PIK3C2G: variants seen among roughly 807,000 people sequenced by gnomAD.
The protein encoded by PIK3C2G is phosphatidylinositol-4-phosphate 3-kinase catalytic subunit type 2 gamma, also known as phosphatidylinositol 3-kinase C2 domain-containing subunit gamma.
A neutral mutation model predicts 181.1 loss-of-function variants in PIK3C2G; 168 were observed. The ratio of observed to expected loss-of-function variants is 0.93; its 90% CI spans 0.82 to 1.05. The LOEUF is 1.05. Among genes scored for constraint, PIK3C2G ranks in the 50% least tolerant of loss-of-function variants. PIK3C2G has a pLI of 0.00. For missense variants in PIK3C2G, 1,869 were observed against 1,732.8 expected, an observed-to-expected ratio of 1.08 and a Z score of -1.40; for synonymous variants, 573 against 592.2, an observed-to-expected ratio of 0.97 and a Z score of 0.47.
intron 29 of PIK3C2G, among the ~76,000 whole-genome samples, chr12:18,580,852 TGA>T (rs888168073): frequency 6.6e-6 from 1 of 152,230 alleles, no homozygotes; most frequent in African/African-American, 2.4e-5. Context: ...TCATCGTGTT[TGA>T]GAGAGACAGA....
intron 11 of PIK3C2G, among the ~76,000 whole-genome samples, chr12:18,356,016 G>A (rs531600634): frequency 2.6e-5 from 4 of 152,236 alleles, no homozygotes; most frequent in East Asian, 3.9e-4. Context: ...GTGGCCTTCC[G>A]GCAATACTGA....
the PIK3C2G span, among the ~76,000 whole-genome samples, chr12:18,710,267 T>G: frequency 6.6e-6 from 1 of 151,012 alleles, no homozygotes; most frequent in Non-Finnish European, 1.5e-5. Flanking sequence ...CACTATTTTT[T>G]TTAATTCATT....
At chr12:18,425,285 T>C (rs926514115) in intron 18 of PIK3C2G, 2 of 152,896 alleles carry the variant, frequency 1.3e-5, no homozygotes, top group Non-Finnish European at 2.9e-5. Flanking sequence ...GTGTTCTGTA[T>C]GACATTACAT....
chr12:18,574,008 C>T (rs934365245), intron 29 of PIK3C2G, among the ~76,000 whole-genome samples: 7 of 152,148 alleles, frequency 4.6e-5, no homozygotes, highest in Non-Finnish European at 8.8e-5. Context: ...AATACACACA[C>T]GTACTCTATA....
chr12:18,382,373 T>A (rs537214706), intron 14 of PIK3C2G, among the ~76,000 whole-genome samples: 1 of 152,322 alleles, frequency 6.6e-6, no homozygotes, highest in East Asian at 1.9e-4. Context: ...CTCTGTGTGA[T>A]TAGTGATCAT....
chr12:18,607,572 T>C (rs1427303608), intron 30 of PIK3C2G, among the ~76,000 whole-genome samples: 2 of 152,092 alleles, frequency 1.3e-5, no homozygotes, highest in Non-Finnish European at 2.9e-5. Flanking sequence ...AAGACTTAAA[T>C]GTTAGACCTA....
chr12:18,435,921 CT>C (rs1426943906), intron 18 of PIK3C2G, among the ~76,000 whole-genome samples: 3 of 150,866 alleles, frequency 2.0e-5, no homozygotes, highest in Non-Finnish European at 2.9e-5. Context: ...CCTTCCTTCA[CT>C]TGAAGATACT....
intron 18 of PIK3C2G, among the ~76,000 whole-genome samples, chr12:18,458,494 G>C (rs1434618179): frequency 6.6e-6 from 1 of 152,096 alleles, no homozygotes; most frequent in African/African-American, 2.4e-5. Context: ...TAAATGCTAA[G>C]TAGAGGTAGT....
intron 17 of PIK3C2G, among the ~76,000 whole-genome samples, chr12:18,421,704 C>G (rs1945499232): frequency 6.6e-6 from 1 of 151,450 alleles, no homozygotes; most frequent in Non-Finnish European, 1.5e-5. Flanking sequence ...TGTATGCTGA[C>G]AGCTAAATAG....
At chr12:18,512,768 A>G (rs1460568833) in intron 24 of PIK3C2G, among the ~76,000 whole-genome samples, 1 of 151,840 alleles carries the variant, frequency 6.6e-6, no homozygotes, top group Non-Finnish European at 1.5e-5. Context: ...TTCCTTTCCT[A>G]TTAGGATGCC....
At chr12:18,491,796 GAA>G (rs572953243) in intron 20 of PIK3C2G, among the ~76,000 whole-genome samples, 6 of 139,632 alleles carry the variant, frequency 4.3e-5, no homozygotes, top group Admixed American at 7.2e-5. Flanking sequence ...TCAGTTCAGT[GAA>G]AAAAAAAAAA....
intron 24 of PIK3C2G, among the ~76,000 whole-genome samples, chr12:18,520,108 C>T (rs1942818533): frequency 2.0e-5 from 3 of 151,280 alleles, no homozygotes; most frequent in Admixed American, 2.0e-4. Context: ...ATGGGCTTAC[C>T]TTTGTAGGTG....
chr12:18,282,680 T>A lies in PIK3C2G; in HGVS notation c.599T>A (p.Ile200Asn). 1 of 1,613,480 alleles carries A rather than the reference T, an allele frequency of 6.2e-7. No individual in the cohort carries two copies. Among genetic ancestry groups the A allele is most frequent in the Non-Finnish European group, 8.5e-7 (1 of 1,179,550 alleles). ...AATAAAAGGAGTGGACATGTGAACA[T>A]TGTGGAACCATCTTTGATGCTTTTG... ...EENKRSGHVN[I>N]VEPSLMLLKG... Residue 200 changes from isoleucine (I) to asparagine (N), a missense_variant, in exon 2 of 33, where the codon ATT (isoleucine) becomes AAT (asparagine). By Grantham distance (149) the Ile-to-Asn change is moderately radical. Transcript: ENST00000538779.
At position 18,538,221 on chromosome 12, in the gene PIK3C2G, C is replaced by G. The variant is rs1405941337; in HGVS notation, c.3389C>G (p.Pro1130Arg). 1.6e-5 allele frequency: 25 copies of G among 1,612,062 alleles called. No individual in the cohort carries two copies. The highest frequency in any genetic ancestry group is 2.1e-5 in the Non-Finnish European group (25 of 1,178,960). The change falls in exon 25 of 33, where the codon CCA (proline) becomes CGA (arginine). Residue 1130 changes from proline (P) to arginine (R), a missense_variant. By Grantham distance (103) the Pro-to-Arg change is moderately radical. Coordinates refer to ENST00000538779, the MANE Select transcript of PIK3C2G (RefSeq NM_001288772.2). ...TTTATTACAGAGGGTGGGAAAAACCCACAGCATTTTCAAGATTTTGTGGAA... is the reference window on the plus strand; with the variant it reads ...TTTATTACAGAGGGTGGGAAAAACCGACAGCATTTTCAAGATTTTGTGGAA... ...EYFITEGGKNPQHFQDFVELC... is the reference protein window; with the variant it reads ...EYFITEGGKNRQHFQDFVELC...
chr12:18,628,301 T>G (rs1017649253), intron 31 of PIK3C2G, among the ~76,000 whole-genome samples: 1 of 152,092 alleles, frequency 6.6e-6, no homozygotes, highest in African/African-American at 2.4e-5. Context: ...TACTGAAGAG[T>G]TGCTGGCATA....
intron 18 of PIK3C2G, among the ~76,000 whole-genome samples, chr12:18,450,209 C>T: frequency 6.6e-6 from 1 of 152,246 alleles, no homozygotes; most frequent in East Asian, 1.9e-4. Flanking sequence ...TCACCGCAAC[C>T]TCCACCTCCT....
chr12:18,308,851 T>C (rs536156824), intron 5 of PIK3C2G, among the ~76,000 whole-genome samples: 2 of 151,674 alleles, frequency 1.3e-5, no homozygotes, highest in African/African-American at 4.8e-5. Context: ...TACTATATAT[T>C]GCAAAACAAA....
upstream of PIK3C2G, among the ~76,000 whole-genome samples, chr12:18,244,723 G>C (rs1948021833): frequency 2.0e-5 from 3 of 152,058 alleles, no homozygotes; most frequent in African/African-American, 7.2e-5. Flanking sequence ...CTAAAGGGAA[G>C]ATCCAGTCTT....
intron 18 of PIK3C2G, among the ~76,000 whole-genome samples, chr12:18,470,135 G>A (rs1222696140): frequency 6.6e-6 from 1 of 152,028 alleles, no homozygotes; most frequent in Non-Finnish European, 1.5e-5. Context: ...GCATAATATA[G>A]TAAACAATTT....
Sources: gnomAD v4.1 joint callset for allele counts (sites outside exome capture counted in the v4.1 genomes callset) on GRCh38, gnomAD v4.1.1 for gene constraint, MANE v1.5 for transcripts, NCBI Gene and HGNC (gene_info 2026-07-23, HGNC 2026-07-21) for gene names.